ZXDC: variants seen among roughly 807,000 people sequenced by gnomAD.
ZXDC encodes zinc finger protein ZXDC.
A neutral mutation model predicts 63.6 loss-of-function variants in ZXDC; 58 were observed. That is an observed-to-expected ratio of 0.91 (90% confidence interval 0.74 to 1.13). The LOEUF (loss-of-function observed/expected upper bound fraction) is 1.13, where lower values mean the gene tolerates loss of function less well. ZXDC is among the 50% of genes most tolerant of loss of function. The pLI is 0.00. For synonymous variants in ZXDC, 561 were observed against 496.1 expected (o/e 1.13, Z -1.74); for missense variants, 1,133 against 1,148.9 (o/e 0.99, Z 0.20).
chr3:126,474,963 A>C lies in ZXDC; in HGVS notation c.903T>G (p.Phe301Leu), dbSNP rs1267633172. Residue 301 changes from phenylalanine to leucine, a missense_variant, in exon 1 of 10, where the codon TTT becomes TTG. Phe to Leu is a conservative substitution (Grantham distance 22, BLOSUM62 0). Coordinates refer to ENST00000389709, the MANE Select transcript of ZXDC (RefSeq NM_025112.5). Reference protein sequence around the residue: ...FEPERPYKCDFPGCEKTFITV... With the variant: ...FEPERPYKCDLPGCEKTFITV... ...CGCCCCCGAGAGCGCGGTTACCGGG[A>C]AAGTCACACTTGTAAGGGCGCTCGG... 1.3e-6 allele frequency: 2 copies of C among 1,571,834 alleles called. No individual in the cohort carries two copies. The highest frequency in any genetic ancestry group is 1.7e-4 in the Middle Eastern group (1 of 5,884).
At chr3:126,453,636 G>A (rs1258120529) in intron 7 of ZXDC, 103 of 985,296 alleles carry the variant, frequency 1.0e-4, no homozygotes, top group Non-Finnish European at 1.2e-4. Flanking sequence ...TGGCTCAAGA[G>A]CTCAAACTTA....
At chr3:126,446,644 T>C (rs1933896634) in intron 7 of ZXDC, among the ~76,000 whole-genome samples, 2 of 152,140 alleles carry the variant, frequency 1.3e-5, no homozygotes, top group Non-Finnish European at 2.9e-5. Context: ...TAAGTGACTA[T>C]TTTCCCAATT....
Position 126,462,118 on chromosome 3 carries a change from A to T in ZXDC, c.1544T>A (p.Phe515Tyr), listed in dbSNP as rs749004498. Residue 515 changes from phenylalanine (F) to tyrosine (Y), a missense_variant, in exon 6 of 10, where the codon TTC becomes TAC. Coordinates refer to ENST00000389709, the MANE Select transcript of ZXDC (RefSeq NM_025112.5). ...ACTAGCATTGGCAGGTGTGTCAGAG[A>T]AGAGTGCAGCAAGATCCATGTTAGT... is the stretch of plus-strand genomic sequence containing the variant. ...ELTNMDLAALFSDTPANASGS... is the reference protein window; with the variant it reads ...ELTNMDLAALYSDTPANASGS... 2.5e-6 allele frequency: 4 copies of T among 1,613,984 alleles called. No homozygotes were observed. Among genetic ancestry groups the T allele is most frequent in the Non-Finnish European group, 3.4e-6 (4 of 1,180,024 alleles).
At chr3:126,469,964 G>T (rs987392451) in intron 4 of ZXDC, among the ~76,000 whole-genome samples, 3 of 152,198 alleles carry the variant, frequency 2.0e-5, no homozygotes, top group African/African-American at 7.2e-5. Context: ...CAGAGAAGCA[G>T]CTTGACTGAG....
In ZXDC at chr3:126,461,728, G is replaced by T. The variant is rs539742816; in HGVS notation, c.1934C>A (p.Thr645Asn). The change falls in exon 6 of 10, where the codon ACC becomes AAC. Residue 645 changes from threonine to asparagine, a missense_variant. By Grantham distance (65) the Thr-to-Asn change is moderately conservative (BLOSUM62 0). Transcript: ENST00000389709. Reference sequence around the variant, plus strand: ...CGGGACACTGGCATTTTCTCGGGGGGTGCTCGAAGAGGTCGGTGTGGTGAT... The same window carrying T: ...CGGGACACTGGCATTTTCTCGGGGGTTGCTCGAAGAGGTCGGTGTGGTGAT... Reference protein sequence around the residue: ...AHITTPTSSSTPRENASVPEL... With the variant: ...AHITTPTSSSNPRENASVPEL... 2 of 1,613,902 alleles carry T rather than the reference G, an allele frequency of 1.2e-6. No individual in the cohort carries two copies. Among genetic ancestry groups the T allele is most frequent in the African/African-American group, 2.7e-5 (2 of 74,960 alleles).
chr3:126,461,510 G>T, intron 6 of ZXDC, 25 bp downstream of exon 6: 1 of 1,586,956 alleles, frequency 6.3e-7, no homozygotes, highest in Non-Finnish European at 8.6e-7. Context: ...CCTATATGGT[G>T]GTGACTGAAT....
chr3:126,459,868 C>A (rs1193872943), intron 6 of ZXDC, 131 bp from the exon 7 acceptor site: 2 of 1,558,834 alleles, frequency 1.3e-6, no homozygotes, highest in African/African-American at 2.7e-5. Context: ...ACCAGCAAGG[C>A]ACACAAAGGG....
At chr3:126,471,121 T>C in intron 3 of ZXDC, 96 bp from the exon 4 acceptor site, 3 of 1,482,980 alleles carry the variant, frequency 2.0e-6, no homozygotes, top group South Asian at 1.3e-5. Flanking sequence ...AAACTTTGCA[T>C]TTACAAAAAT....
intron 3 of ZXDC, 70 bp downstream of exon 3, chr3:126,471,903 C>G: frequency 7.8e-7 from 1 of 1,278,760 alleles, no homozygotes; most frequent in Non-Finnish European, 1.1e-6. Context: ...ATATTTCATT[C>G]ATTGGTTTCT....
chr3:126,466,659 C>T (rs1359306676), intron 4 of ZXDC, among the ~76,000 whole-genome samples: 3 of 152,222 alleles, frequency 2.0e-5, no homozygotes, highest in Non-Finnish European at 4.4e-5. Flanking sequence ...CTTAAATATT[C>T]AGTTGAAAAC....
Position 126,441,770 on chromosome 3 carries a change from C to T in ZXDC, c.2389G>A (p.Val797Met). 2.5e-6 allele frequency: 4 copies of T among 1,593,498 alleles called. No individual in the cohort carries two copies. Among genetic ancestry groups the T allele is most frequent in the East Asian group, 4.5e-5 (2 of 44,630 alleles). ...CGAQGVQVQL[V>M]QDDPSGEGVL... The stretch of plus-strand genomic sequence containing the variant: ...TGTGACTGGCCAGCTCTCACCTGCA[C>T]CAGCTGGACCTGGACGCCCTGCGCC... The change falls in exon 8 of 10, where the codon GTG becomes ATG. Residue 797 changes from valine to methionine, a missense_variant. By Grantham distance (21) the Val-to-Met change is conservative. Coordinates refer to ENST00000389709, the MANE Select transcript of ZXDC (RefSeq NM_025112.5).
Position 126,468,527 on chromosome 3 carries a change from C to A in ZXDC, c.1271-2202G>T, listed in dbSNP as rs2693472. On this transcript the variant is annotated intron_variant, in intron 4 of 9. Transcript: ENST00000389709. ...CTGCCCATACACCACGTGGGGAGTG[C>A]CCAGTTTCTCTCCCAGCACAACACC... Among the ~76,000 whole-genome samples, 1,004 of 152,232 alleles carry A rather than the reference C, an allele frequency of 6.6e-3. 9 individuals carry two copies. Among genetic ancestry groups the A allele is most frequent in the Admixed American group, 0.027 (418 of 15,284 alleles).
intron 7 of ZXDC, among the ~76,000 whole-genome samples, chr3:126,443,902 T>C (rs527922077): frequency 1.3e-5 from 2 of 152,256 alleles, no homozygotes; most frequent in Non-Finnish European, 2.9e-5. Context: ...AGCAAAATTA[T>C]ATTAAAAATG....
At chr3:126,440,528 G>A in intron 8 of ZXDC, 6 of 985,636 alleles carry the variant, frequency 6.1e-6, no homozygotes, top group Non-Finnish European at 7.2e-6. Flanking sequence ...TGTTCTGCCG[G>A]TGGCACCAGC....
chr3:126,449,654 T>C (rs1934018315), intron 7 of ZXDC, among the ~76,000 whole-genome samples: 1 of 152,106 alleles, frequency 6.6e-6, no homozygotes, highest in African/African-American at 2.4e-5. Flanking sequence ...AGAAGTTTCC[T>C]CCTCCCAAAG....
intron 1 of ZXDC, among the ~76,000 whole-genome samples, chr3:126,472,837 A>G (rs766669762): frequency 4.2e-4 from 64 of 151,948 alleles, no homozygotes; most frequent in Non-Finnish European, 7.1e-4. Context: ...TCCTTTCGCA[A>G]TTTCCTTAGG....
chr3:126,439,483 GGCA>G, intron 9 of ZXDC, 146 bp downstream of exon 9: 1 of 1,329,994 alleles, frequency 7.5e-7, no homozygotes, highest in South Asian at 1.4e-5. Context: ...TTCTCCAGAA[GGCA>G]GCAAGACATC....
At chr3:126,461,093 T>C (rs1184398089) in intron 6 of ZXDC, 1 of 985,874 alleles carries the variant, frequency 1.0e-6, no homozygotes, top group African/African-American at 1.7e-5. Flanking sequence ...TTTTTTTTTT[T>C]CTTGTTAATT....
At chr3:126,439,970 C>T in intron 8 of ZXDC, 1 of 1,379,574 alleles carries the variant, frequency 7.2e-7, no homozygotes. Flanking sequence ...GAACCTTCTG[C>T]TCTCCAGCTC....
Sources: gnomAD v4.1 joint callset for allele counts (sites outside exome capture counted in the v4.1 genomes callset) on GRCh38, gnomAD v4.1.1 for gene constraint, MANE v1.5 for transcripts, NCBI Gene and HGNC (gene_info 2026-07-23, HGNC 2026-07-21) for gene names.